PTPRM: variants seen among roughly 807,000 people sequenced by gnomAD.
PTPRM encodes the protein protein tyrosine phosphatase receptor type M.
PTPRM carries 47 observed loss-of-function variants against 186.7 expected under a neutral mutation model. That is an observed-to-expected ratio of 0.25 (90% confidence interval 0.20 to 0.32). PTPRM has a LOEUF of 0.32. Ranked by LOEUF, PTPRM falls within the 10% of genes least tolerant of loss-of-function variation. PTPRM has a pLI of 1.00. For missense variants in PTPRM, 1,494 were observed against 1,865.0 expected (o/e 0.80, Z 3.66); for synonymous variants, 668 against 674.9 (o/e 0.99, Z 0.16).
At chr18:7,584,337 A>G (rs1020746021) in intron 1 of PTPRM, among the ~76,000 whole-genome samples, 3 of 152,180 alleles carry the variant, frequency 2.0e-5, no homozygotes, top group African/African-American at 7.2e-5. Context: ...GGGCAGATAG[A>G]GATAAAATGA....
chr18:8,401,870 C>T lies in PTPRM; in HGVS notation c.4345-4239C>T, dbSNP rs532377804. 2.0e-5 allele frequency among the ~76,000 whole-genome samples: 3 copies of T among 152,346 alleles called. No individual in the cohort carries two copies. The East Asian group carries it at 5.8e-4, about 29-fold the overall frequency. ...CAGGAAGTCTGATCGGGAGCGGGGCCAGCGTCAGGGACCTTGGTGAGGAAT... is the reference window on the plus strand; with the variant it reads ...CAGGAAGTCTGATCGGGAGCGGGGCTAGCGTCAGGGACCTTGGTGAGGAAT... On this transcript the variant is annotated intron_variant, in intron 32 of 32. Transcript: ENST00000580170.
chr18:8,374,181 T>A (rs617538), intron 24 of PTPRM, among the ~76,000 whole-genome samples: 100,264 of 151,966 alleles, frequency 0.66, 33,381 homozygotes, highest in East Asian at 0.83. Flanking sequence ...TGTTTTCTAC[T>A]TTCCAGAAAC....
chr18:7,738,325 G>A (rs549197891), intron 1 of PTPRM, among the ~76,000 whole-genome samples: 42 of 152,218 alleles, frequency 2.8e-4, no homozygotes, highest in Non-Finnish European at 4.4e-4. Context: ...GGTTGTGGAA[G>A]CGTTTTCCCT....
intron 31 of PTPRM, among the ~76,000 whole-genome samples, chr18:8,392,689 A>G (rs1263498571): frequency 6.6e-6 from 1 of 152,068 alleles, no homozygotes; most frequent in African/African-American, 2.4e-5. Flanking sequence ...ATGCAGGGAT[A>G]GTGCGGGATG....
chr18:8,122,208 T>C (rs2092200758), intron 13 of PTPRM: 1 of 152,588 alleles, frequency 6.6e-6, no homozygotes, highest in Non-Finnish European at 1.5e-5. Context: ...TTTTCCCTCA[T>C]GCATGCTGAC....
At position 7,946,026 on chromosome 18, in the gene PTPRM, C is replaced by T. The variant is rs886844054; in HGVS notation, c.664-3155C>T. On this transcript the variant is annotated intron_variant, in intron 5 of 32. Coordinates refer to ENST00000580170, the MANE Select transcript of PTPRM (RefSeq NM_001105244.2). ...AGGAGTTAAAAATTTATTAAAGGCT[C>T]ATTCCTGAGCATTCATATGACTCAC... is the stretch of plus-strand genomic sequence containing the variant. Among the ~76,000 whole-genome samples the T allele has an allele frequency of 6.6e-5, 10 of 152,322 alleles. No homozygotes were observed. The South Asian group carries it at 8.3e-4, about 13-fold the overall frequency.
chr18:7,946,945 T>C (rs1445418972), intron 5 of PTPRM: 1 of 456,256 alleles, frequency 2.2e-6, no homozygotes, highest in East Asian at 7.0e-5. Context: ...TTTGGGGAGC[T>C]GACTGCCTAT....
chr18:7,874,095 T>C lies in PTPRM; in HGVS notation c.197-14011T>C, dbSNP rs537588436. On this transcript the variant is annotated intron_variant, in intron 2 of 32. Coordinates refer to ENST00000580170, the MANE Select transcript of PTPRM (RefSeq NM_001105244.2). The stretch of plus-strand genomic sequence containing the variant: ...AGGAATGTGTCAGCTTATTATTCTT[T>C]GAATAAAGTAGGAAAAGTTTTAAAA... 6.2e-5 allele frequency among the ~76,000 whole-genome samples: 9 copies of C among 144,502 alleles called. No individual in the cohort carries two copies. The South Asian group carries it at 1.1e-3, about 18-fold the overall frequency. 94.8% of individuals were successfully genotyped at this position (144,502 alleles called of 152,430 possible). A position where few individuals can be genotyped will look rare whatever the true frequency, so the allele number is the denominator to read the frequency against.
Position 8,252,777 on chromosome 18 carries a change from T to C in PTPRM, c.2566+278T>C, listed in dbSNP as rs548367141. ...TTCATGTATTAAGTCCCCATTTCCATTGCTAGCTTTATAAGCCACACCATT... is the reference window on the plus strand; with the variant it reads ...TTCATGTATTAAGTCCCCATTTCCACTGCTAGCTTTATAAGCCACACCATT... On this transcript the variant is annotated intron_variant, in intron 18 of 32. Transcript: ENST00000580170. Among the ~76,000 whole-genome samples, 372 of 152,360 alleles carry C rather than the reference T, an allele frequency of 2.4e-3. 1 individual carries two copies. The highest frequency in any genetic ancestry group is 3.8e-3 in the Non-Finnish European group (260 of 68,034).
At chr18:7,711,382 G>T (rs2144782868) in intron 1 of PTPRM, among the ~76,000 whole-genome samples, 1 of 152,304 alleles carries the variant, frequency 6.6e-6, no homozygotes, top group Non-Finnish European at 1.5e-5. Flanking sequence ...AGAGCCCTGG[G>T]TTTCAAGCAC....
At chr18:8,340,342 A>G (rs2095467496) in intron 22 of PTPRM, among the ~76,000 whole-genome samples, 1 of 152,208 alleles carries the variant, frequency 6.6e-6, no homozygotes, top group Admixed American at 6.5e-5. Context: ...GGATCCACAT[A>G]TCTAATTTTA....
intron 9 of PTPRM, among the ~76,000 whole-genome samples, chr18:8,077,026 C>G (rs2089858180): frequency 6.6e-6 from 1 of 151,962 alleles, no homozygotes; most frequent in South Asian, 2.1e-4. Flanking sequence ...TTAGTATTAC[C>G]AAAACATCCT....
At chr18:7,682,687 GC>G (rs371777328) in intron 1 of PTPRM, among the ~76,000 whole-genome samples, 9 of 152,212 alleles carry the variant, frequency 5.9e-5, no homozygotes, top group African/African-American at 2.2e-4. Context: ...TTAAAATGTA[GC>G]TTAAAAATTA....
chr18:8,325,025 G>A (rs1319616065), intron 22 of PTPRM, among the ~76,000 whole-genome samples: 1 of 152,204 alleles, frequency 6.6e-6, no homozygotes, highest in African/African-American at 2.4e-5. Flanking sequence ...CACAGACTCT[G>A]GAACTACATT....
intron 14 of PTPRM, among the ~76,000 whole-genome samples, chr18:8,145,515 C>A (rs1212761965): frequency 6.6e-6 from 1 of 152,154 alleles, no homozygotes; most frequent in Non-Finnish European, 1.5e-5. Flanking sequence ...ATGTTCCCCT[C>A]CCTGTGTCCA....
intron 5 of PTPRM, among the ~76,000 whole-genome samples, chr18:7,927,031 C>G (rs369734566): frequency 2.7e-5 from 4 of 147,424 alleles, no homozygotes; most frequent in Non-Finnish European, 6.0e-5. Context: ...CTCTCTCTCT[C>G]TTACACACAT....
chr18:7,801,574 A>G (rs374539554), intron 2 of PTPRM, among the ~76,000 whole-genome samples: 6 of 152,346 alleles, frequency 3.9e-5, no homozygotes, highest in African/African-American at 1.2e-4. Flanking sequence ...CAACAAAAGT[A>G]TAGTATAGCA....
intron 2 of PTPRM, among the ~76,000 whole-genome samples, chr18:7,865,799 A>G (rs2047658865): frequency 1.3e-5 from 2 of 152,282 alleles, no homozygotes; most frequent in South Asian, 4.2e-4. Flanking sequence ...TTCGGCTGTG[A>G]ATCCGTCTGG....
At chr18:7,891,115 A>G (rs1372653987) in intron 3 of PTPRM, among the ~76,000 whole-genome samples, 1 of 52,704 alleles carries the variant, frequency 1.9e-5, no homozygotes, top group Non-Finnish European at 2.9e-5. Flanking sequence ...AGTGTCTCCA[A>G]AAAAAAAAAA....
Sources: gnomAD v4.1 joint callset for allele counts (sites outside exome capture counted in the v4.1 genomes callset) on GRCh38, gnomAD v4.1.1 for gene constraint, MANE v1.5 for transcripts, NCBI Gene and HGNC (gene_info 2026-07-23, HGNC 2026-07-21) for gene names.